Variants in CD99 observed in about 807,000 individuals in gnomAD.
CD99 encodes CD99 antigen.
In CD99, 19 loss-of-function variants were observed where a neutral mutation model predicts 28.4. The ratio of observed to expected loss-of-function variants is 0.67; its 90% CI spans 0.47 to 0.98. The LOEUF is 0.98. Among genes scored for constraint, CD99 ranks in the 50% least tolerant of loss-of-function variants. The pLI is 0.00. For synonymous variants in CD99, 103 were observed against 92.1 expected, an observed-to-expected ratio of 1.12 and a Z score of -0.67; for missense variants, 283 against 248.8, an observed-to-expected ratio of 1.14 and a Z score of -0.92.
chrX:2,733,450 A>AT, intron 8 of CD99: 3 of 1,477,344 alleles, frequency 2.0e-6, no homozygotes, highest in Non-Finnish European at 1.9e-6. Flanking sequence ...ATAGCCTTAA[A>AT]GCAAACCCTT....
intron 8 of CD99, among the ~76,000 whole-genome samples, chrX:2,732,139 G>A (rs1466232161): frequency 2.6e-5 from 4 of 151,862 alleles, no homozygotes; most frequent in Non-Finnish European, 5.9e-5. Flanking sequence ...GTGGTGCTTG[G>A]GCTTCTCCTG....
At chrX:2,706,186 A>T (rs1011817197) in intron 1 of CD99, among the ~76,000 whole-genome samples, 2 of 151,892 alleles carry the variant, frequency 1.3e-5, no homozygotes, top group Admixed American at 6.6e-5. Flanking sequence ...GGTGAAACCC[A>T]GTCTCTACTA....
chrX:2,738,084 C>T (rs771209967), intron 8 of CD99, 116 bp from the exon 9 acceptor site: 1 of 909,856 alleles, frequency 1.1e-6, no homozygotes, highest in African/African-American at 1.6e-5. Flanking sequence ...ACTGAGTGCT[C>T]TCATCCAAGC....
intron 8 of CD99, chrX:2,727,387 T>C (rs779036332): frequency 2.6e-6 from 2 of 772,386 alleles, no homozygotes; most frequent in African/African-American, 3.4e-5. Flanking sequence ...CGTGCATGCA[T>C]CACTGGGCAC....
chrX:2,723,419 G>A, intron 7 of CD99, 55 bp downstream of exon 7: 4 of 1,588,280 alleles, frequency 2.5e-6, no homozygotes, highest in Non-Finnish European at 3.5e-6. Flanking sequence ...TTGAGAAGGG[G>A]AAGCAGAATG....
intron 8 of CD99, among the ~76,000 whole-genome samples, chrX:2,732,144 C>T (rs932261467): frequency 4.6e-5 from 7 of 152,056 alleles, no homozygotes; most frequent in Non-Finnish European, 7.4e-5. Flanking sequence ...GCTTGGGCTT[C>T]TCCTGGTTTT....
intron 1 of CD99, 193 bp downstream of exon 1, chrX:2,691,620 G>C (rs202029838): frequency 8.1e-4 from 585 of 722,806 alleles, no homozygotes; most frequent in Non-Finnish European, 1.2e-3. Context: ...GCTTTTCCTG[G>C]AGCCGTTCCA....
At chrX:2,730,854 C>T (rs1206744471) in intron 8 of CD99, among the ~76,000 whole-genome samples, 5 of 149,652 alleles carry the variant, frequency 3.3e-5, no homozygotes, top group African/African-American at 9.9e-5. Context: ...TGCTTGAACC[C>T]GGGAGGCAGA....
At chrX:2,693,645 T>C (rs1223857259) in intron 1 of CD99, among the ~76,000 whole-genome samples, 1 of 152,148 alleles carries the variant, frequency 6.6e-6, no homozygotes, top group Non-Finnish European at 1.5e-5. Context: ...CTCAGACTGG[T>C]GCTGATAGCT....
chrX:2,720,476 A>G (rs763114280), intron 5 of CD99, 52 bp downstream of exon 5: 59 of 1,541,560 alleles, frequency 3.8e-5, no homozygotes, highest in Non-Finnish European at 5.1e-5. Flanking sequence ...GAATTCAGCG[A>G]TATTTATGTC....
At chrX:2,696,470 G>A (rs1467603030) in intron 1 of CD99, among the ~76,000 whole-genome samples, 6 of 151,996 alleles carry the variant, frequency 3.9e-5, no homozygotes, top group Admixed American at 6.6e-5. Flanking sequence ...GTGCGATCTC[G>A]GCTCACTGCA....
Position 2,691,886 on chromosome X carries a change from A to G in CD99, c.67+459A>G, listed in dbSNP as rs200180102. 2,569 of 779,242 alleles carry G rather than the reference A, an allele frequency of 3.3e-3. 56 individuals carry two copies. The South Asian group carries it at 0.033, about 10-fold the overall frequency. The allele number at this position is 779,242 out of a possible 1,614,324, so 48.3% of individuals were successfully genotyped here. On this transcript the variant is annotated intron_variant, in intron 1 of 9. Transcript: ENST00000381192. ...TCCCGGGCCTAAATTTGGAATCGCTAGGAGCCTGAGACCCGGGTGGTGGGG... is the reference window on the plus strand; with the variant it reads ...TCCCGGGCCTAAATTTGGAATCGCTGGGAGCCTGAGACCCGGGTGGTGGGG...
Position 2,714,451 on chromosome X carries a change from C to T in CD99, c.97C>T (p.Pro33Ser). 1 of 1,600,678 alleles carries T rather than the reference C, an allele frequency of 6.2e-7. No individual in the cohort carries two copies. The highest frequency in any genetic ancestry group is 8.6e-7 in the Non-Finnish European group (1 of 1,168,630). ...TGGTTTCGATTTATCCGATGCCCTT[C>T]CTGGTGAGTATCAACATCATTTTTT... ...DGGFDLSDALPDNENKKPTAI... is the reference protein window; with the variant it reads ...DGGFDLSDALSDNENKKPTAI... Residue 33 changes from proline to serine, a missense_variant, in exon 2 of 10, where the codon CCT becomes TCT. Pro to Ser is a moderately conservative substitution (Grantham distance 74). Transcript: ENST00000381192.
chrX:2,696,393 CTTTCT>C (rs202118683), intron 1 of CD99, among the ~76,000 whole-genome samples: 3,032 of 152,120 alleles, frequency 0.02, 84 homozygotes, highest in East Asian at 0.083. Flanking sequence ...TGCTGATATT[CTTTCT>C]TTTCTTTTCT....
At position 2,726,261 on chromosome X, in the gene CD99, C is replaced by G. The variant is rs1136470; in HGVS notation, c.363C>G (p.Ala121=). 3.7e-6 allele frequency: 6 copies of G among 1,603,160 alleles called. No homozygotes were observed. Among genetic ancestry groups the G allele is most frequent in the Non-Finnish European group, 5.1e-6 (6 of 1,171,938 alleles). ...GATGCTGTGTGCTTCCTCCTGCAGC[C>G]GACGCCCCAGGCGTGATCCCCGGGA... The part of the protein sequence containing the change: ...GGSHRKEGEE[A]DAPGVIPGIV... Residue 121 remains alanine (A), a splice_region_variant and synonymous_variant, in exon 8 of 10, where the codon GCC becomes GCG. Coordinates refer to ENST00000381192, the MANE Select transcript of CD99 (RefSeq NM_002414.5).
At chrX:2,739,015 TTTG>T (rs890114556) in intron 9 of CD99, among the ~76,000 whole-genome samples, 7 of 151,550 alleles carry the variant, frequency 4.6e-5, no homozygotes, top group Non-Finnish European at 7.4e-5. Flanking sequence ...GTCCGGCTGA[TTTG>T]TTGTTGTTTT....
intron 8 of CD99, among the ~76,000 whole-genome samples, chrX:2,735,967 C>G (rs2049909595): frequency 1.3e-5 from 2 of 151,950 alleles, no homozygotes; most frequent in Admixed American, 1.3e-4. Flanking sequence ...TTTTGGGAGG[C>G]CGAGGTGGGC....
At chrX:2,694,420 G>A (rs369011670) in intron 1 of CD99, among the ~76,000 whole-genome samples, 11 of 152,062 alleles carry the variant, frequency 7.2e-5, no homozygotes, top group African/African-American at 2.4e-4. Context: ...CCATCAGCGC[G>A]TTTGGCTCTG....
At chrX:2,699,495 A>G (rs186896903) in intron 1 of CD99, among the ~76,000 whole-genome samples, 1 of 139,290 alleles carries the variant, frequency 7.2e-6, no homozygotes, top group Non-Finnish European at 1.5e-5. Flanking sequence ...TTTAAATTAC[A>G]GAGTCTCACT....
Sources: gnomAD v4.1 joint callset for allele counts (sites outside exome capture counted in the v4.1 genomes callset) on GRCh38, gnomAD v4.1.1 for gene constraint, MANE v1.5 for transcripts, NCBI Gene and HGNC (gene_info 2026-07-23, HGNC 2026-07-21) for gene names.